MRPS16: variants seen among roughly 807,000 people sequenced by gnomAD.
MRPS16 encodes mitochondrial ribosomal protein S16.
A neutral mutation model predicts 11.0 loss-of-function variants in MRPS16; 5 were observed. The observed-to-expected ratio is 0.46, with a 90% CI of 0.24 to 0.96. The LOEUF (loss-of-function observed/expected upper bound fraction) is 0.96. Among genes scored for constraint, MRPS16 ranks in the 40% least tolerant of loss-of-function variants. The pLI, the probability that MRPS16 is intolerant of heterozygous loss-of-function variation, is 0.20. For missense variants in MRPS16, 179 were observed against 174.4 expected, an observed-to-expected ratio of 1.03 and a Z score of -0.15; for synonymous variants, 76 against 65.0, an observed-to-expected ratio of 1.17 and a Z score of -0.81.
At chr10:73,251,627 C>T in intron 2 of MRPS16, 136 bp downstream of exon 2, 3 of 1,251,224 alleles carry the variant, frequency 2.4e-6, no homozygotes, top group Non-Finnish European at 2.3e-6. Flanking sequence ...GTGATCCGCC[C>T]GCCTCGGCCT....
Position 73,251,754 on chromosome 10 carries a change from C to G in MRPS16, c.274+9G>C. 1 of 1,614,196 alleles carries G rather than the reference C, an allele frequency of 6.2e-7. No individual in the cohort carries two copies. The highest frequency in any genetic ancestry group is 1.1e-5 in the South Asian group (1 of 91,082). On this transcript the variant is annotated intron_variant, in intron 2 of 2. Coordinates refer to ENST00000372945, the MANE Select transcript of MRPS16 (RefSeq NM_016065.4). ...TCCCCTCAATAAGGTAAGACCAGAG[C>G]TGAGTTACCCAGAAGCTTTTCCATA...
Position 73,249,185 on chromosome 10 carries a change from T to G in MRPS16, c.*1667A>C. The G allele has an allele frequency of 2.5e-5, 29 of 1,154,900 alleles. No homozygotes were observed. The highest frequency in any genetic ancestry group is 3.4e-5 in the Non-Finnish European group (27 of 801,380). The allele number at this position is 1,154,900 out of a possible 1,614,324, so 71.5% of individuals were successfully genotyped here. ...CTTCCACCTCAGCCTCCCAAAGTGC[T>G]GAGATTACAGGTGTGAGCCACTGCC... On this transcript the variant is annotated 3_prime_UTR_variant, in exon 3 of 3. Transcript: ENST00000372945.
In MRPS16 at chr10:73,251,853, C is replaced by T. The variant is rs1054502763; in HGVS notation, c.184G>A (p.Gly62Arg). ...AGGTTGAGGGCAACGAGTTTTTCTCCATGACTGTTGGGCAATGGATCATAG... is the reference window on the plus strand; with the variant it reads ...AGGTTGAGGGCAACGAGTTTTTCTCTATGACTGTTGGGCAATGGATCATAG... ...GSYDPLPNSH[G>R]EKLVALNLDR... Residue 62 changes from glycine to arginine, a missense_variant, in exon 2 of 3, where the codon GGA (glycine) becomes AGA (arginine). Transcript: ENST00000372945. The T allele has an allele frequency of 9.3e-6, 15 of 1,614,076 alleles. No homozygotes were observed. The highest frequency in any genetic ancestry group is 3.3e-5 in the Admixed American group (2 of 60,008).
In MRPS16 at chr10:73,249,337, C is replaced by G; in HGVS notation, c.*1515G>C. On this transcript the variant is annotated 3_prime_UTR_variant, in exon 3 of 3. Transcript: ENST00000372945. ...TTGAGACCTAAGAATGGTTGTGAGT[C>G]AAATAAAAAAGTAGAACTAAAGTAT... 6.5e-7 allele frequency: 1 copy of G among 1,545,678 alleles called. No individual in the cohort carries two copies. The highest frequency in any genetic ancestry group is 8.7e-7 in the Non-Finnish European group (1 of 1,144,512).
Position 73,249,156 on chromosome 10 carries a change from G to A in MRPS16, c.*1696C>T. Reference sequence around the variant, plus strand: ...CTGGTCTCAAACTCTGGCTTCAAGTGATCCTTCCACCTCAGCCTCCCAAAG... The same window carrying A: ...CTGGTCTCAAACTCTGGCTTCAAGTAATCCTTCCACCTCAGCCTCCCAAAG... On this transcript the variant is annotated 3_prime_UTR_variant, in exon 3 of 3. Coordinates refer to ENST00000372945, the MANE Select transcript of MRPS16 (RefSeq NM_016065.4). 2 of 838,680 alleles carry A rather than the reference G, an allele frequency of 2.4e-6. No individual in the cohort carries two copies. The highest frequency in any genetic ancestry group is 1.9e-6 in the Non-Finnish European group (1 of 527,230). The allele number at this position is 838,680 out of a possible 1,614,324, so 52.0% of individuals were successfully genotyped here.
intron 1 of MRPS16, 135 bp downstream of exon 1, chr10:73,252,335 G>A (rs1336459718): frequency 3.0e-6 from 4 of 1,322,032 alleles, no homozygotes; most frequent in Middle Eastern, 2.4e-4. Context: ...CTGAGAGAAG[G>A]ATCAAATGTA....
chr10:73,249,243 A>G lies in MRPS16; in HGVS notation c.*1609T>C. 1 of 1,537,824 alleles carries G rather than the reference A, an allele frequency of 6.5e-7. No individual in the cohort carries two copies. The highest frequency in any genetic ancestry group is 1.2e-5 in the South Asian group (1 of 83,546). On this transcript the variant is annotated 3_prime_UTR_variant, in exon 3 of 3. Transcript: ENST00000372945. The stretch of plus-strand genomic sequence containing the variant: ...TATCTTTATATTATTTTTCCTTACA[A>G]GTTACTTCAAATTCTTGATGTTGAA...
chr10:73,250,990 AC>A lies in MRPS16; in HGVS notation c.275del (p.Gly92ValfsTer11), dbSNP rs863224075. 4 of 1,613,996 alleles carry A rather than the reference AC, an allele frequency of 2.5e-6. No individual in the cohort carries two copies. Among genetic ancestry groups the A allele is most frequent in the Non-Finnish European group, 3.4e-6 (4 of 1,180,006 alleles). ...GATGCAGAGGGAAAAAGCCAGCAAG[AC>A]CTAAAAGTAACAGATTTTTCACTTA... ...HLSKPMEKLLGLAGFFPLHPM... is the reference protein window; with the variant it reads ...HLSKPMEKLLXLAGFFPLHPM... On this transcript the variant is annotated frameshift_variant and splice_region_variant, in exon 3 of 3. Coordinates refer to ENST00000372945, the MANE Select transcript of MRPS16 (RefSeq NM_016065.4). LOFTEE classifies it high-confidence loss of function.
chr10:73,252,264 C>CG, intron 1 of MRPS16: 1 of 1,041,722 alleles, frequency 9.6e-7, no homozygotes, highest in Admixed American at 2.1e-5. Context: ...GTGACCTTGT[C>CG]GGAGCCTTAG....
At chr10:73,251,019 A>G in intron 2 of MRPS16, 28 bp from the exon 3 acceptor site, 2 of 1,612,750 alleles carry the variant, frequency 1.2e-6, no homozygotes, top group Non-Finnish European at 1.7e-6. Context: ...TTCACTTATT[A>G]TAACACAGTA....
chr10:73,251,695 C>G lies in MRPS16; in HGVS notation c.274+68G>C, dbSNP rs1418317989. 10 of 1,606,930 alleles carry G rather than the reference C, an allele frequency of 6.2e-6. No individual in the cohort carries two copies. The Admixed American group carries it at 1.5e-4, about 24-fold the overall frequency. Reference sequence around the variant, plus strand: ...CGTGCCCAGCCGAAAATCATTCTTACACCTACTGTCCTGGAGCTGACTTCA... The same window carrying G: ...CGTGCCCAGCCGAAAATCATTCTTAGACCTACTGTCCTGGAGCTGACTTCA... On this transcript the variant is annotated intron_variant, in intron 2 of 2. Transcript: ENST00000372945.
Position 73,251,934 on chromosome 10 carries a change from CA to C in MRPS16, c.102del (p.Ile34MetfsTer15), listed in dbSNP as rs1564727156. On this transcript the variant is annotated frameshift_variant, in exon 2 of 3. Coordinates refer to ENST00000372945, the MANE Select transcript of MRPS16 (RefSeq NM_016065.4). LOFTEE classifies it high-confidence loss of function. The part of the protein sequence containing the change: ...GGCTNRPFYR[I>X]VAAHNKCPRD... ...CTGGGACACTTGTTGTGAGCAGCCACAATGCGGTAGAACGGCCGATTGGTGC... is the reference window on the plus strand; with the variant it reads ...CTGGGACACTTGTTGTGAGCAGCCACATGCGGTAGAACGGCCGATTGGTGC... 6.2e-7 allele frequency: 1 copy of C among 1,614,206 alleles called. No individual in the cohort carries two copies. The highest frequency in any genetic ancestry group is 8.5e-7 in the Non-Finnish European group (1 of 1,180,040).
At chr10:73,251,043 C>T (rs1564726466) in intron 2 of MRPS16, 52 bp from the exon 3 acceptor site, 1 of 1,598,910 alleles carries the variant, frequency 6.3e-7, no homozygotes, top group East Asian at 2.2e-5. Flanking sequence ...GCCAATGCTT[C>T]CCTAGGAACT....
At position 73,252,528 on chromosome 10, in the gene MRPS16, G is replaced by A; in HGVS notation, c.-46C>T. The stretch of plus-strand genomic sequence containing the variant: ...CCTCGGAGAGCCCCGCTACCCGCAC[G>A]CACCAGCTCTACGGCCTTGGCAGGG... On this transcript the variant is annotated 5_prime_UTR_variant, in exon 1 of 3. Transcript: ENST00000372945. 1.2e-6 allele frequency: 2 copies of A among 1,602,306 alleles called. No homozygotes were observed. The highest frequency in any genetic ancestry group is 1.7e-6 in the Non-Finnish European group (2 of 1,178,798).
At position 73,250,728 on chromosome 10, in the gene MRPS16, G is replaced by A; in HGVS notation, c.*124C>T. On this transcript the variant is annotated 3_prime_UTR_variant, in exon 3 of 3. Transcript: ENST00000372945. ...GGGCCCTGTGCAGGCCAGGCCAGAA[G>A]AGCAAGGGCAACTCAGGATACTCCA... 3 of 1,329,292 alleles carry A rather than the reference G, an allele frequency of 2.3e-6. No homozygotes were observed. The highest frequency in any genetic ancestry group is 3.2e-6 in the Non-Finnish European group (3 of 936,494). 82.3% of individuals were successfully genotyped at this position (1,329,292 alleles called of 1,614,324 possible). A position where few individuals can be genotyped will look rare whatever the true frequency, so the allele number is the denominator to read the frequency against.
rs749034956 is a variant in MRPS16, at chr10:73,250,811, T to G, written c.*41A>C. The G allele has an allele frequency of 8.7e-6, 14 of 1,610,132 alleles. No individual in the cohort carries two copies. Among genetic ancestry groups the G allele is most frequent in the African/African-American group, 1.3e-5 (1 of 74,860 alleles). Reference sequence around the variant, plus strand: ...TCGCTGCAGTGTTTCAAAAGGACCTTGACCTTGTTCCCACTGCTATGCTCA... The same window carrying G: ...TCGCTGCAGTGTTTCAAAAGGACCTGGACCTTGTTCCCACTGCTATGCTCA... On this transcript the variant is annotated 3_prime_UTR_variant, in exon 3 of 3. Coordinates refer to ENST00000372945, the MANE Select transcript of MRPS16 (RefSeq NM_016065.4).
rs2044109958 is a variant in MRPS16, at chr10:73,251,893, T to C, written c.144A>G (p.Val48=). ...ATGGATCATAGGAGCCCAGCTGCTCTACGAAACGGCCATCCCTGGGACACT... is the reference window on the plus strand; with the variant it reads ...ATGGATCATAGGAGCCCAGCTGCTCCACGAAACGGCCATCCCTGGGACACT... ...HNKCPRDGRF[V]EQLGSYDPLP... is the part of the protein sequence containing the mutation. The change falls in exon 2 of 3, where the codon GTA becomes GTG. Residue 48 remains valine (V), a synonymous_variant. Coordinates refer to ENST00000372945, the MANE Select transcript of MRPS16 (RefSeq NM_016065.4). 2 of 1,614,058 alleles carry C rather than the reference T, an allele frequency of 1.2e-6. No homozygotes were observed. The highest frequency in any genetic ancestry group is 1.7e-6 in the Non-Finnish European group (2 of 1,180,040).
At chr10:73,252,328 A>T in intron 1 of MRPS16, 142 bp downstream of exon 1, 1 of 1,297,336 alleles carries the variant, frequency 7.7e-7, no homozygotes. Flanking sequence ...GAAAAAACTG[A>T]GAGAAGGATC....
chr10:73,252,277 G>T, intron 1 of MRPS16, 193 bp downstream of exon 1: 5 of 1,070,598 alleles, frequency 4.7e-6, no homozygotes, highest in Non-Finnish European at 6.8e-6. Context: ...AGCCTTAGCT[G>T]CTTCAATGGG....
Sources: allele counts gnomAD v4.1 joint callset, GRCh38; gene constraint gnomAD v4.1.1; transcripts MANE v1.5; gene names NCBI Gene and HGNC (gene_info 2026-07-23, HGNC 2026-07-21).